The following PRR14L variants were observed in gnomAD, a reference collection of about 807,000 sequenced individuals.
PRR14L encodes protein PRR14L.
PRR14L carries 80 observed loss-of-function variants against 155.0 expected under a neutral mutation model. The ratio of observed to expected loss-of-function variants is 0.52; its 90% CI spans 0.43 to 0.62. The LOEUF (loss-of-function observed/expected upper bound fraction) is 0.62, where lower values mean the gene tolerates loss of function less well. Among genes scored for constraint, PRR14L ranks in the 20% least tolerant of loss-of-function variants. PRR14L has a pLI of 0.00. For synonymous variants in PRR14L, 883 were observed against 916.0 expected, an observed-to-expected ratio of 0.96 and a Z score of 0.65; for missense variants, 2,469 against 2,548.0, an observed-to-expected ratio of 0.97 and a Z score of 0.67.
At chr22:31,701,384 T>C (rs1402703077) in intron 7 of PRR14L, among the ~76,000 whole-genome samples, 3 of 152,168 alleles carry the variant, frequency 2.0e-5, no homozygotes, top group African/African-American at 7.2e-5. Context: ...TGGGGTTGGG[T>C]AAATCCTGTG....
chr22:31,733,306 T>G (rs1264347874), intron 2 of PRR14L, among the ~76,000 whole-genome samples: 2 of 139,666 alleles, frequency 1.4e-5, no homozygotes, highest in African/African-American at 5.5e-5. Flanking sequence ...CTGTTTTTTT[T>G]TTTTTTTTTT....
At position 31,712,150 on chromosome 22, in the gene PRR14L, A is replaced by G. The variant is rs376763158; in HGVS notation, c.5689T>C (p.Ser1897Pro). The G allele has an allele frequency of 3.1e-6, 5 of 1,614,016 alleles. No individual in the cohort carries two copies. Among genetic ancestry groups the G allele is most frequent in the Non-Finnish European group, 4.2e-6 (5 of 1,180,030 alleles). ...GAATGAAGAGAAGAGATTTCGAAGGAGCAGACAGAAGGACCATGCTGGCTC... is the reference window on the plus strand; with the variant it reads ...GAATGAAGAGAAGAGATTTCGAAGGGGCAGACAGAAGGACCATGCTGGCTC... ...IWSQHGPSVC[S>P]FEISSLHSPH... The change falls in exon 4 of 9, where the codon TCC (serine) becomes CCC (proline). Residue 1897 changes from serine (S) to proline (P), a missense_variant. Physicochemically the swap from Ser to Pro is moderately conservative, Grantham distance 74 (BLOSUM62 -1). Around this residue, in one of 2 missense-constraint regions of PRR14L, gnomAD observed 2,363 missense variants for 2,371.6 expected, o/e 1.00. Transcript: ENST00000327423.
At chr22:31,708,703 C>T (rs1209714102) in intron 4 of PRR14L, among the ~76,000 whole-genome samples, 3 of 152,162 alleles carry the variant, frequency 2.0e-5, no homozygotes, top group African/African-American at 7.2e-5. Flanking sequence ...TATAGTGGCA[C>T]GATCTCGGCT....
At chr22:31,723,262 G>T (rs2074700724) in intron 3 of PRR14L, among the ~76,000 whole-genome samples, 1 of 152,168 alleles carries the variant, frequency 6.6e-6, no homozygotes, top group Non-Finnish European at 1.5e-5. Context: ...AAATAAGCAT[G>T]ATATTAGAAC....
chr22:31,742,793 T>C (rs976996371), intron 1 of PRR14L, among the ~76,000 whole-genome samples: 7 of 152,118 alleles, frequency 4.6e-5, no homozygotes, highest in Admixed American at 3.3e-4. Flanking sequence ...CTACTCACAA[T>C]AGTCAAAAAG....
chr22:31,713,369 A>C lies in PRR14L; in HGVS notation c.4470T>G (p.Gly1490=). 6.4e-7 allele frequency: 1 copy of C among 1,552,116 alleles called. No homozygotes were observed. Among genetic ancestry groups the C allele is most frequent in the Non-Finnish European group, 8.7e-7 (1 of 1,147,074 alleles). The change falls in exon 4 of 9, where the codon GGT becomes GGG. Residue 1490 remains glycine, a synonymous_variant. Coordinates refer to ENST00000327423, the MANE Select transcript of PRR14L (RefSeq NM_173566.3). The part of the protein sequence containing the change: ...TESCTSPCLL[G]APRKAQDPSS... ...AGGGGTCTTGTGCTTTCCGAGGGGC[A>C]CCAAGAAGGCAAGGACTTGTGCATG...
At chr22:31,690,062 G>A (rs1199753160) in intron 7 of PRR14L, among the ~76,000 whole-genome samples, 4 of 152,112 alleles carry the variant, frequency 2.6e-5, no homozygotes, top group Admixed American at 2.6e-4. Flanking sequence ...GACTACGGGT[G>A]CGTGTCACCA....
At chr22:31,740,691 C>T (rs1194221411) in intron 1 of PRR14L, among the ~76,000 whole-genome samples, 2 of 152,022 alleles carry the variant, frequency 1.3e-5, no homozygotes, top group Non-Finnish European at 2.9e-5. Context: ...TTTCCCTAAC[C>T]CTAAACAAGG....
chr22:31,742,907 C>T (rs1222865183), intron 1 of PRR14L, among the ~76,000 whole-genome samples: 1 of 152,138 alleles, frequency 6.6e-6, no homozygotes, highest in Non-Finnish European at 1.5e-5. Context: ...GGAGAAATAA[C>T]ACGTTACAAC....
rs2074655171 is a variant in PRR14L at position 31,715,780 on chromosome 22, G to A, written c.2059C>T (p.His687Tyr). 6.4e-7 allele frequency: 1 copy of A among 1,551,708 alleles called. No homozygotes were observed. The highest frequency in any genetic ancestry group is 2.4e-5 in the East Asian group (1 of 40,930). The part of the protein sequence containing the change: ...EMPLATGRDA[H>Y]QSHHPPLEGR... ...TCTAATGGAGGGTGATGGCTCTGAT[G>A]GGCATCTCTGCCTGTTGCTAAAGGC... Residue 687 changes from histidine (H) to tyrosine (Y), a missense_variant, in exon 4 of 9, where the codon CAT becomes TAT. His to Tyr is a moderately conservative substitution (Grantham distance 83, BLOSUM62 2). Coordinates refer to ENST00000327423, the MANE Select transcript of PRR14L (RefSeq NM_173566.3).
chr22:31,705,291 G>A (rs1344654909), intron 4 of PRR14L, among the ~76,000 whole-genome samples: 1 of 152,108 alleles, frequency 6.6e-6, no homozygotes, highest in African/African-American at 2.4e-5. Context: ...AAAATTTAAA[G>A]AATATATTAT....
chr22:31,718,606 G>A (rs1255947892), intron 3 of PRR14L, among the ~76,000 whole-genome samples: 2 of 147,622 alleles, frequency 1.4e-5, no homozygotes, highest in African/African-American at 2.7e-5. Context: ...CACCATGTTG[G>A]CCAGGCTGGT....
intron 2 of PRR14L, among the ~76,000 whole-genome samples, chr22:31,729,293 G>A (rs1300343194): frequency 3.9e-5 from 6 of 152,106 alleles, no homozygotes; most frequent in South Asian, 4.1e-4. Context: ...CTCACTGCAA[G>A]CTCCACATCC....
chr22:31,705,662 G>A (rs1026048737), intron 4 of PRR14L, among the ~76,000 whole-genome samples: 2 of 151,794 alleles, frequency 1.3e-5, no homozygotes, highest in Non-Finnish European at 2.9e-5. Flanking sequence ...ATGAGCCACC[G>A]CGCCTGGCCC....
At position 31,738,622 on chromosome 22, in the gene PRR14L, T is replaced by A; in HGVS notation, c.239A>T (p.Tyr80Phe). ...THVESCCEETYETLDHGSEPG... is the reference protein window; with the variant it reads ...THVESCCEETFETLDHGSEPG... The stretch of plus-strand genomic sequence containing the variant: ...CTCACTCCCATGATCCAAGGTCTCA[T>A]AGGTTTCTTCACAACAACTCTCCAC... The change falls in exon 2 of 9, where the codon TAT becomes TTT. Residue 80 changes from tyrosine to phenylalanine, a missense_variant. Tyr to Phe is a conservative substitution (Grantham distance 22). Transcript: ENST00000327423. 1 of 1,552,092 alleles carries A rather than the reference T, an allele frequency of 6.4e-7. No individual in the cohort carries two copies. The highest frequency in any genetic ancestry group is 8.7e-7 in the Non-Finnish European group (1 of 1,147,080).
Position 31,716,411 on chromosome 22 carries a change from A to T in PRR14L, c.1428T>A (p.Asp476Glu), listed in dbSNP as rs766886784. Residue 476 changes from aspartate to glutamate, a missense_variant, in exon 4 of 9, where the codon GAT (aspartate) becomes GAA (glutamate). Asp to Glu is a conservative substitution (Grantham distance 45, BLOSUM62 2). Transcript: ENST00000327423. ...EATEVMLNKN[D>E]LKITVHVQGN... The stretch of plus-strand genomic sequence containing the variant: ...CTTGAACGTGTACAGTAATTTTCAA[A>T]TCATTTTTATTTAACATTACTTCTG... The T allele has an allele frequency of 9.7e-6, 15 of 1,550,176 alleles. No homozygotes were observed. The highest frequency in any genetic ancestry group is 1.3e-5 in the Non-Finnish European group (15 of 1,146,552).
At chr22:31,707,440 G>A (rs908595790) in intron 4 of PRR14L, among the ~76,000 whole-genome samples, 5 of 152,160 alleles carry the variant, frequency 3.3e-5, no homozygotes, top group Non-Finnish European at 7.3e-5. Context: ...GAGTGCAGTG[G>A]CGTGATCTCG....
intron 2 of PRR14L, among the ~76,000 whole-genome samples, chr22:31,732,397 C>T (rs757514819): frequency 1.1e-3 from 173 of 152,306 alleles, no homozygotes; most frequent in African/African-American, 4.1e-3. Context: ...TACACTATAA[C>T]GTGGTTTATG....
intron 2 of PRR14L, among the ~76,000 whole-genome samples, chr22:31,733,148 G>A (rs917871477): frequency 5.3e-5 from 8 of 151,758 alleles, no homozygotes; most frequent in Middle Eastern, 3.4e-3. Flanking sequence ...CCACACGCCC[G>A]GCTAATTTTT....
Sources: allele counts gnomAD v4.1 joint callset (sites outside exome capture counted in the v4.1 genomes callset), GRCh38; gene constraint gnomAD v4.1.1; regional missense constraint gnomAD v4.1.1; transcripts MANE v1.5; gene names NCBI Gene and HGNC (gene_info 2026-07-23, HGNC 2026-07-21).